The following NIN variants were observed in gnomAD, a reference collection of about 807,000 sequenced individuals.
NIN encodes the protein ninein.
Under a neutral mutation model 257.6 loss-of-function variants are expected in NIN, and 137 were observed. That is an observed-to-expected ratio of 0.53 (90% CI 0.46 to 0.61). The LOEUF (loss-of-function observed/expected upper bound fraction) is 0.61. NIN is among the 20% of genes least tolerant of loss of function. The probability of loss-of-function intolerance (pLI) is 0.00; values close to 1 mark genes in which losing one functional copy is unlikely to be tolerated. For missense variants in NIN, 2,439 were observed against 2,501.2 expected (o/e 0.98, Z 0.53); for synonymous variants, 918 against 919.8 (o/e 1.00, Z 0.04).
rs753132649 is a variant in NIN, at chr14:50,756,472, C to T, written c.4538+20G>A. 6.4e-7 allele frequency: 1 copy of T among 1,565,542 alleles called. No homozygotes were observed. Among genetic ancestry groups the T allele is most frequent in the South Asian group, 1.2e-5 (1 of 81,676 alleles). ...AGGTGCTCTGTGGGATTCGTGACGT[C>T]TAGAAGGTACATACATTACCTCAGA... On this transcript the variant is annotated intron_variant, in intron 18 of 30. Transcript: ENST00000530997.
At position 50,792,884 on chromosome 14, in the gene NIN, G is replaced by A. The variant is rs375297076; in HGVS notation, c.266-3C>T. 2 of 1,614,004 alleles carry A rather than the reference G, an allele frequency of 1.2e-6. No individual in the cohort carries two copies. Among genetic ancestry groups the A allele is most frequent in the African/African-American group, 2.7e-5 (2 of 74,924 alleles). On this transcript the variant is annotated splice_polypyrimidine_tract_variant and splice_region_variant and intron_variant, in intron 4 of 30. Transcript: ENST00000530997. Reference sequence around the variant, plus strand: ...GGGCTGAGCTTCTAGTGAGCAGTCTGAGAGAGGAGACAAGAGTTGAGGCCA... The same window carrying A: ...GGGCTGAGCTTCTAGTGAGCAGTCTAAGAGAGGAGACAAGAGTTGAGGCCA...
At chr14:50,766,198 G>T in intron 14 of NIN, 109 bp downstream of exon 14, 1 of 772,090 alleles carries the variant, frequency 1.3e-6, no homozygotes, top group Non-Finnish European at 2.2e-6. Context: ...AGGAATGGAA[G>T]TACCCACAGA....
In NIN at chr14:50,810,862, C is replaced by T. The variant is rs2044564843; in HGVS notation, c.184-4044G>A. 3.3e-5 allele frequency among the ~76,000 whole-genome samples: 5 copies of T among 151,962 alleles called. No individual in the cohort carries two copies. The South Asian group carries it at 1.0e-3, about 32-fold the overall frequency. On this transcript the variant is annotated intron_variant, in intron 3 of 30. Coordinates refer to ENST00000530997, the MANE Select transcript of NIN (RefSeq NM_020921.4). ...TATTTTTAGTAGAGACAGGGTTTCA[C>T]CGCGTTAGCCAGGATGGTCTCGATC...
In NIN at chr14:50,819,642, G is replaced by A. The variant is rs968288638; in HGVS notation, c.183+2232C>T. On this transcript the variant is annotated intron_variant, in intron 3 of 30. Coordinates refer to ENST00000530997, the MANE Select transcript of NIN (RefSeq NM_020921.4). ...TCTCGGGTATGTCTTTATCAGCAGC[G>A]TGAAAACGGACTAATACAGATCCCA... is the stretch of plus-strand genomic sequence containing the variant. Among the ~76,000 whole-genome samples, 4 of 152,162 alleles carry A rather than the reference G, an allele frequency of 2.6e-5. No individual in the cohort carries two copies. The East Asian group carries it at 5.8e-4, about 22-fold the overall frequency.
rs896686756 is a variant in NIN, at chr14:50,756,996, C to T, written c.4034G>A (p.Cys1345Tyr). 6.2e-7 allele frequency: 1 copy of T among 1,613,262 alleles called. No homozygotes were observed. The highest frequency in any genetic ancestry group is 8.5e-7 in the Non-Finnish European group (1 of 1,179,602). Residue 1345 changes from cysteine to tyrosine, a missense_variant, in exon 18 of 31, where the codon TGC becomes TAC. Cys to Tyr is a radical substitution (Grantham distance 194). Coordinates refer to ENST00000530997, the MANE Select transcript of NIN (RefSeq NM_020921.4). ...LQESVVQRCD[C>Y]CLWEASLENL... ...CTCTAAACTGGCTTCCCATAAGCAG[C>T]AGTCACACCGCTGGACCACGCTTTC...
At chr14:50,753,917 T>C (rs535883901) in intron 20 of NIN, among the ~76,000 whole-genome samples, 1 of 152,306 alleles carries the variant, frequency 6.6e-6, no homozygotes, top group Non-Finnish European at 1.5e-5. Flanking sequence ...TCATATAGAT[T>C]GCCTATATTT....
rs2140295590 is a variant in NIN, at chr14:50,721,423, C to G, written c.*2040G>C. ...CAACAACCGTGATCACATGCTAAGG[C>G]CAGCTATCTGGGAAATATTATTGTT... On this transcript the variant is annotated 3_prime_UTR_variant, in exon 31 of 31. Coordinates refer to ENST00000530997, the MANE Select transcript of NIN (RefSeq NM_020921.4). 4.6e-6 allele frequency: 1 copy of G among 216,172 alleles called. No homozygotes were observed. The highest frequency in any genetic ancestry group is 1.8e-4 in the South Asian group (1 of 5,412). The allele number at this position is 216,172 out of a possible 1,614,324, so 13.4% of individuals were successfully genotyped here. A position where few individuals can be genotyped will look rare whatever the true frequency, so the allele number is the denominator to read the frequency against.
At chr14:50,818,677 G>A (rs377369681) in intron 3 of NIN, among the ~76,000 whole-genome samples, 10 of 152,194 alleles carry the variant, frequency 6.6e-5, no homozygotes, top group East Asian at 5.8e-4. Context: ...AACACTTATC[G>A]GCAATATCCC....
At chr14:50,815,204 A>T (rs2044830640) in intron 3 of NIN, among the ~76,000 whole-genome samples, 1 of 152,226 alleles carries the variant, frequency 6.6e-6, no homozygotes, top group African/African-American at 2.4e-5. Flanking sequence ...AGAAAAAAAC[A>T]AACAACCCCA....
At chr14:50,823,153 GTGGTT>G (rs2142477477) in intron 2 of NIN, 1 of 476,934 alleles carries the variant, frequency 2.1e-6, no homozygotes, top group Non-Finnish European at 4.2e-6. Context: ...AATGAAATCT[GTGGTT>G]TTTTTTTTTT....
At chr14:50,782,007 A>T (rs1361227075) in intron 5 of NIN, among the ~76,000 whole-genome samples, 1 of 117,786 alleles carries the variant, frequency 8.5e-6, no homozygotes, top group Non-Finnish European at 1.7e-5. Context: ...AACATAATTA[A>T]AAAAAAAAAA....
chr14:50,738,951 G>C (rs1011575600), intron 26 of NIN, among the ~76,000 whole-genome samples: 1 of 152,020 alleles, frequency 6.6e-6, no homozygotes. Flanking sequence ...CTCGTGAGGA[G>C]TTATTTAGAC....
rs773430289 is a variant in NIN at position 50,778,770 on chromosome 14, G to A, written c.470C>T (p.Ala157Val). ...CTGACACACTCGGCTCTTACCTTCC[G>A]CTTCATACTCCTCACTGCGTTGCGT... ...WKTQRSEEYE[A>V]EGQLRFWNPD... Residue 157 changes from alanine to valine, a missense_variant, in exon 6 of 31, where the codon GCG becomes GTG. Ala to Val is a moderately conservative substitution (Grantham distance 64, BLOSUM62 0). Transcript: ENST00000530997. The A allele has an allele frequency of 6.8e-6, 11 of 1,613,780 alleles. No individual in the cohort carries two copies. Among genetic ancestry groups the A allele is most frequent in the Admixed American group, 1.7e-5 (1 of 59,982 alleles).
At chr14:50,738,001 C>T in intron 27 of NIN, 139 bp downstream of exon 27, 1 of 827,056 alleles carries the variant, frequency 1.2e-6, no homozygotes, top group Admixed American at 2.5e-5. Flanking sequence ...GCTATTTTGA[C>T]AAGATAACAG....
intron 12 of NIN, 58 bp from the exon 13 acceptor site, chr14:50,766,948 T>C (rs2141731422): frequency 2.7e-6 from 3 of 1,113,764 alleles, no homozygotes; most frequent in Non-Finnish European, 4.1e-6. Context: ...CAAACTGTGG[T>C]ACTATTTTAT....
At chr14:50,789,268 A>G (rs752466439) in intron 5 of NIN, among the ~76,000 whole-genome samples, 4 of 152,236 alleles carry the variant, frequency 2.6e-5, no homozygotes, top group Non-Finnish European at 5.9e-5. Context: ...AAAAGCGGCC[A>G]GCAGTACAAT....
intron 4 of NIN, among the ~76,000 whole-genome samples, chr14:50,801,323 G>A (rs959922485): frequency 6.6e-6 from 1 of 152,102 alleles, no homozygotes; most frequent in South Asian, 2.1e-4. Flanking sequence ...ACTCCTGACC[G>A]CAGGTGATCC....
intron 5 of NIN, among the ~76,000 whole-genome samples, chr14:50,787,528 T>C (rs910306293): frequency 2.6e-5 from 4 of 152,136 alleles, no homozygotes; most frequent in Non-Finnish European, 4.4e-5. Context: ...ACACCTTAGG[T>C]TGGAATCAAG....
At chr14:50,746,135 C>A (rs2041527788) in intron 22 of NIN, among the ~76,000 whole-genome samples, 1 of 151,826 alleles carries the variant, frequency 6.6e-6, no homozygotes, top group Admixed American at 6.6e-5. Context: ...TCCAGCTTAG[C>A]AAAGCCACAA....
Sources: gnomAD v4.1 joint callset for allele counts (sites outside exome capture counted in the v4.1 genomes callset) on GRCh38, gnomAD v4.1.1 for gene constraint, MANE v1.5 for transcripts, NCBI Gene and HGNC (gene_info 2026-07-23, HGNC 2026-07-21) for gene names.